Variants in NRXN1 observed in about 807,000 individuals in gnomAD.
NRXN1 encodes neurexin 1.
In NRXN1, 39 loss-of-function variants were observed where a neutral mutation model predicts 150.9. That is an observed-to-expected ratio of 0.26 (90% CI 0.20 to 0.34). NRXN1 has a LOEUF of 0.34. NRXN1 is among the 10% of genes least tolerant of loss of function. The probability of loss-of-function intolerance (pLI) is 1.00; values close to 1 mark genes in which losing one functional copy is unlikely to be tolerated. For synonymous variants in NRXN1, 924 were observed against 757.0 expected (o/e 1.22, Z -3.62); for missense variants, 1,815 against 1,949.9 (o/e 0.93, Z 1.30).
Position 49,968,833 on chromosome 2 carries a change from G to T in NRXN1, c.4129-25042C>A, listed in dbSNP as rs568190750. ...AGGGTAAAATAGTTAGGCCTTCAGT[G>T]CTCCTCTAGTTTTATGCCTATTTGT... On this transcript the variant is annotated intron_variant, in intron 21 of 22. Coordinates refer to ENST00000401669, the MANE Select transcript of NRXN1 (RefSeq NM_001330078.2). Among the ~76,000 whole-genome samples the T allele has an allele frequency of 1.3e-4, 20 of 152,088 alleles. No homozygotes were observed. In the Middle Eastern group the frequency reaches 0.017, roughly 129 times the overall value.
rs371711841 is a variant in NRXN1 at position 50,277,382 on chromosome 2, G to T, written c.3365-40412C>A. ...GGCCAAGAGGAACTCAAAAAGGTCCGTCCTTCCTTCCTTCCTTCCTCCCTC... is the reference window on the plus strand; with the variant it reads ...GGCCAAGAGGAACTCAAAAAGGTCCTTCCTTCCTTCCTTCCTTCCTCCCTC... On this transcript the variant is annotated intron_variant, in intron 17 of 22. Coordinates refer to ENST00000401669, the MANE Select transcript of NRXN1 (RefSeq NM_001330078.2). Among the ~76,000 whole-genome samples, 58 of 132,152 alleles carry T rather than the reference G, an allele frequency of 4.4e-4. No individual in the cohort carries two copies. The Middle Eastern group carries it at 0.012, about 28-fold the overall frequency. The allele number at this position is 132,152 out of a possible 152,430, so 86.7% of individuals were successfully genotyped here. A position where few individuals can be genotyped will look rare whatever the true frequency, so the allele number is the denominator to read the frequency against.
At chr2:50,104,168 T>A (rs1479458593) in intron 18 of NRXN1, among the ~76,000 whole-genome samples, 1 of 151,964 alleles carries the variant, frequency 6.6e-6, no homozygotes, top group African/African-American at 2.4e-5. Flanking sequence ...ACAAAAGACA[T>A]CTACTTAAAA....
Position 50,310,991 on chromosome 2 carries a change from C to A in NRXN1, c.3365-74021G>T, listed in dbSNP as rs540579157. On this transcript the variant is annotated intron_variant, in intron 17 of 22. Coordinates refer to ENST00000401669, the MANE Select transcript of NRXN1 (RefSeq NM_001330078.2). ...CCTATAATTTGTATAACATAAATTC[C>A]ATTTTTTCCCTAGATAATGGCAAAG... Among the ~76,000 whole-genome samples, 38 of 152,106 alleles carry A rather than the reference C, an allele frequency of 2.5e-4. No homozygotes were observed. The South Asian group carries it at 7.3e-3, about 29-fold the overall frequency.
chr2:50,891,087 C>T (rs1018163493), intron 5 of NRXN1, among the ~76,000 whole-genome samples: 3 of 151,912 alleles, frequency 2.0e-5, no homozygotes, highest in Non-Finnish European at 4.4e-5. Flanking sequence ...ACAGCCTCCT[C>T]GAAGTCAAAA....
At chr2:50,334,192 A>ATTTTTTATATATATATATATATATATAT (rs1553457970) in intron 17 of NRXN1, among the ~76,000 whole-genome samples, 1 of 118,982 alleles carries the variant, frequency 8.4e-6, no homozygotes. Context: ...ACCAGGACCA[A>ATTTTTTATATATATATATATATATATAT]ATATATATAT....
chr2:50,656,380 A>G (rs1211481046), intron 5 of NRXN1: 2 of 777,110 alleles, frequency 2.6e-6, no homozygotes, highest in Non-Finnish European at 4.8e-6. Flanking sequence ...ATTTGCTTCC[A>G]GAAGTCATGA....
At chr2:50,712,216 C>A (rs1314237606) in intron 5 of NRXN1, among the ~76,000 whole-genome samples, 1 of 152,052 alleles carries the variant, frequency 6.6e-6, no homozygotes, top group Non-Finnish European at 1.5e-5. Context: ...CTGTTCAACA[C>A]ATTATAAACA....
At chr2:50,389,812 T>C (rs2081569056) in intron 17 of NRXN1, among the ~76,000 whole-genome samples, 2 of 152,156 alleles carry the variant, frequency 1.3e-5, no homozygotes, top group African/African-American at 2.4e-5. Flanking sequence ...GATATACATA[T>C]CGTTAAAAAA....
At position 50,333,434 on chromosome 2, in the gene NRXN1, T is replaced by G. The variant is rs2076959552; in HGVS notation, c.3365-96464A>C. 2.0e-5 allele frequency among the ~76,000 whole-genome samples: 3 copies of G among 152,120 alleles called. No individual in the cohort carries two copies. In the South Asian group the frequency reaches 6.2e-4, roughly 32 times the overall value. On this transcript the variant is annotated intron_variant, in intron 17 of 22. Coordinates refer to ENST00000401669, the MANE Select transcript of NRXN1 (RefSeq NM_001330078.2). ...ATCTCTACAAATGTGAAAATGAAAA[T>G]GAACCAAACATCTCCCCAATATTAG...
intron 5 of NRXN1, among the ~76,000 whole-genome samples, chr2:50,862,518 A>C (rs546477171): frequency 7.9e-5 from 12 of 152,132 alleles, no homozygotes; most frequent in Middle Eastern, 3.4e-3. Flanking sequence ...CATGTGTAGG[A>C]AGGTCCTGAG....
chr2:50,949,700 A>G (rs1690987352), intron 2 of NRXN1, among the ~76,000 whole-genome samples: 1 of 152,106 alleles, frequency 6.6e-6, no homozygotes, highest in African/African-American at 2.4e-5. Context: ...TAATAAAAGT[A>G]TCTTCTGACT....
chr2:50,310,100 A>C (rs1371662231), intron 17 of NRXN1, among the ~76,000 whole-genome samples: 3 of 152,232 alleles, frequency 2.0e-5, no homozygotes, highest in Non-Finnish European at 4.4e-5. Context: ...GAAGCAGAGA[A>C]GAAATGCATT....
intron 2 of NRXN1, among the ~76,000 whole-genome samples, chr2:50,930,665 T>C (rs915482025): frequency 3.9e-5 from 6 of 152,280 alleles, no homozygotes; most frequent in Non-Finnish European, 7.4e-5. Context: ...ATTTCAATAG[T>C]TGGACTTAGG....
intron 16 of NRXN1, among the ~76,000 whole-genome samples, chr2:50,471,073 G>A (rs1056321898): frequency 6.6e-6 from 1 of 151,638 alleles, no homozygotes; most frequent in East Asian, 1.9e-4. Flanking sequence ...ATATGCTATT[G>A]GATATAGATT....
At chr2:50,762,556 T>G (rs745880779) in intron 5 of NRXN1, among the ~76,000 whole-genome samples, 6 of 151,914 alleles carry the variant, frequency 3.9e-5, no homozygotes, top group Non-Finnish European at 7.4e-5. Flanking sequence ...AGGTACCCAA[T>G]GTTTAGCTTC....
chr2:49,973,867 T>G, intron 21 of NRXN1: 1 of 617,896 alleles, frequency 1.6e-6, no homozygotes, highest in Non-Finnish European at 2.9e-6. Context: ...ATGAGTTTAT[T>G]CTTATTTTCA....
At chr2:50,450,674 C>A (rs1160708976) in intron 17 of NRXN1, among the ~76,000 whole-genome samples, 1 of 152,128 alleles carries the variant, frequency 6.6e-6, no homozygotes, top group Non-Finnish European at 1.5e-5. Flanking sequence ...CATAAGTTAT[C>A]CTTGGAAAGT....
intron 18 of NRXN1, among the ~76,000 whole-genome samples, chr2:50,180,228 C>T (rs2060619702): frequency 6.6e-6 from 1 of 151,908 alleles, no homozygotes; most frequent in African/African-American, 2.4e-5. Context: ...TCTTGCTGTG[C>T]TGCCCAGGCT....
chr2:50,132,394 C>T (rs546604272), intron 18 of NRXN1, among the ~76,000 whole-genome samples: 2 of 151,710 alleles, frequency 1.3e-5, no homozygotes, highest in African/African-American at 4.8e-5. Context: ...CAACCTCCGC[C>T]TCCTGTGTTC....
Sources: allele counts gnomAD v4.1 joint callset (sites outside exome capture counted in the v4.1 genomes callset), GRCh38; gene constraint gnomAD v4.1.1; transcripts MANE v1.5; gene names NCBI Gene and HGNC (gene_info 2026-07-23, HGNC 2026-07-21).